TTC12: variants seen among roughly 807,000 people sequenced by gnomAD.
TTC12 encodes tetratricopeptide repeat protein 12.
In TTC12, 70 loss-of-function variants were observed where a neutral mutation model predicts 90.1. The ratio of observed to expected loss-of-function variants is 0.78; its 90% confidence interval spans 0.64 to 0.95. TTC12 has a LOEUF of 0.95. TTC12 is among the 40% of genes least tolerant of loss of function. The pLI, the probability that TTC12 is intolerant of heterozygous loss-of-function variation, is 0.00. For missense variants in TTC12, 819 were observed against 846.1 expected (o/e 0.97, Z 0.40); for synonymous variants, 296 against 311.5 (o/e 0.95, Z 0.53).
intron 2 of TTC12, among the ~76,000 whole-genome samples, chr11:113,320,326 C>A (rs1565568067): frequency 1.3e-5 from 2 of 152,098 alleles, no homozygotes; most frequent in African/African-American, 4.8e-5. Flanking sequence ...AAACTCTGAA[C>A]CCCAGGCTCC....
intron 17 of TTC12, 66 bp from the exon 18 acceptor site, chr11:113,359,874 G>C (rs544480253): frequency 7.6e-7 from 1 of 1,310,514 alleles, no homozygotes; most frequent in Non-Finnish European, 1.1e-6. Flanking sequence ...CTCAGAAGAA[G>C]CTCCGCTGAG....
chr11:113,368,614 A>C, downstream of TTC12: 1 of 981,612 alleles, frequency 1.0e-6, no homozygotes, highest in South Asian at 1.4e-5. Flanking sequence ...GTCTTCATAC[A>C]TGACGTGAGG....
chr11:113,350,301 G>GCATCA, intron 14 of TTC12, 136 bp downstream of exon 14: 1 of 660,530 alleles, frequency 1.5e-6, no homozygotes, highest in Non-Finnish European at 2.6e-6. Flanking sequence ...TGAGTAGGAG[G>GCATCA]GCTGATGCCT....
downstream of TTC12, chr11:113,368,461 C>G (rs1950284790): frequency 6.4e-7 from 1 of 1,550,422 alleles, no homozygotes; most frequent in Non-Finnish European, 8.7e-7. Flanking sequence ...CGGCTTGTTC[C>G]AGGTAATCAG....
At position 113,359,499 on chromosome 11, in the gene TTC12, C is replaced by G. The variant is rs1253395465; in HGVS notation, c.1545+38C>G. On this transcript the variant is annotated intron_variant, in intron 17 of 21. Coordinates refer to ENST00000529221, the MANE Select transcript of TTC12 (RefSeq NM_017868.4). The stretch of plus-strand genomic sequence containing the variant: ...TGTCTCCCTGCCTGGAGCCCTGGGA[C>G]AACCTGTACACATTCTGTGGCATAA... 2.2e-6 allele frequency: 3 copies of G among 1,361,138 alleles called. No individual in the cohort carries two copies. In the Admixed American group the frequency reaches 5.1e-5, roughly 23 times the overall value. The allele number at this position is 1,361,138 out of a possible 1,614,324, so 84.3% of individuals were successfully genotyped here.
rs538315473 is a variant in TTC12 at position 113,355,086 on chromosome 11, C to A, written c.1446+2879C>A. ...AAATCAGCTGTGAATCTAGCTGGTC[C>A]TGGGCTTTTTTTGATTGGTAGGCTC... On this transcript the variant is annotated intron_variant, in intron 16 of 21. Transcript: ENST00000529221. Among the ~76,000 whole-genome samples the A allele has an allele frequency of 1.5e-3, 227 of 152,218 alleles. 1 individual carries two copies. In the Middle Eastern group the frequency reaches 0.024, roughly 16 times the overall value.
At position 113,358,009 on chromosome 11, in the gene TTC12, T is replaced by A. The variant is rs140669728; in HGVS notation, c.1447-1354T>A. ...GCCACAATGGCAGAGGCAACGCAGCTGGGGGAGAGGGTCCCTGCTGATGAC... is the reference window on the plus strand; with the variant it reads ...GCCACAATGGCAGAGGCAACGCAGCAGGGGGAGAGGGTCCCTGCTGATGAC... On this transcript the variant is annotated intron_variant, in intron 16 of 21. Coordinates refer to ENST00000529221, the MANE Select transcript of TTC12 (RefSeq NM_017868.4). 5.9e-5 allele frequency among the ~76,000 whole-genome samples: 9 copies of A among 152,300 alleles called. No homozygotes were observed. The East Asian group carries it at 1.7e-3, about 29-fold the overall frequency.
chr11:113,335,511 C>T (rs1235022857), intron 8 of TTC12, among the ~76,000 whole-genome samples: 1 of 152,114 alleles, frequency 6.6e-6, no homozygotes, highest in African/African-American at 2.4e-5. Flanking sequence ...GTCAGGCAGC[C>T]ATCACCACAA....
At chr11:113,348,815 C>A (rs1239546195) in intron 13 of TTC12, among the ~76,000 whole-genome samples, 1 of 152,270 alleles carries the variant, frequency 6.6e-6, no homozygotes, top group Admixed American at 6.5e-5. Context: ...AAAGTACAGA[C>A]TTTCCAGCAG....
chr11:113,346,653 A>G (rs190543762), intron 13 of TTC12, among the ~76,000 whole-genome samples: 2 of 150,764 alleles, frequency 1.3e-5, no homozygotes, highest in Admixed American at 6.6e-5. Flanking sequence ...CCCCTAGTGG[A>G]AAAAAAATGG....
chr11:113,330,245 A>G (rs530684243), intron 7 of TTC12, among the ~76,000 whole-genome samples: 1 of 152,356 alleles, frequency 6.6e-6, no homozygotes. Context: ...CTATTGTGTT[A>G]TCAGACACTT....
chr11:113,365,325 C>G (rs1032539855), intron 21 of TTC12, among the ~76,000 whole-genome samples: 9 of 152,172 alleles, frequency 5.9e-5, no homozygotes, highest in African/African-American at 1.9e-4. Context: ...GTTGCCTTCT[C>G]TCCATTCCAT....
At chr11:113,323,166 C>T in intron 2 of TTC12, 122 bp from the exon 3 acceptor site, 2 of 474,038 alleles carry the variant, frequency 4.2e-6, no homozygotes, top group South Asian at 1.1e-4. Flanking sequence ...CTCTATTTTG[C>T]TTTCTATTGC....
intron 9 of TTC12, 34 bp from the exon 10 acceptor site, chr11:113,339,252 G>T: frequency 1.9e-6 from 3 of 1,558,756 alleles, no homozygotes; most frequent in Non-Finnish European, 2.6e-6. Context: ...TGATTGTTAG[G>T]GTTTTGTTTT....
At chr11:113,344,231 A>G (rs1285092061) in intron 12 of TTC12, 41 bp from the exon 13 acceptor site, 8 of 1,577,114 alleles carry the variant, frequency 5.1e-6, no homozygotes, top group East Asian at 2.3e-5. Context: ...TTTAATTGCC[A>G]TGATGGCATG....
intron 18 of TTC12, among the ~76,000 whole-genome samples, chr11:113,360,384 T>C (rs1297261700): frequency 6.6e-6 from 1 of 151,966 alleles, no homozygotes; most frequent in Non-Finnish European, 1.5e-5. Flanking sequence ...GTGTCCAACT[T>C]ATTTAGAATC....
At chr11:113,366,428 A>C, downstream of TTC12, 2 of 1,507,300 alleles carry the variant, frequency 1.3e-6, no homozygotes, top group South Asian at 2.6e-5. Context: ...TTTGCATTTC[A>C]GGTTTTCACG....
chr11:113,329,205 C>G (rs1947876146), intron 6 of TTC12, among the ~76,000 whole-genome samples: 1 of 152,226 alleles, frequency 6.6e-6, no homozygotes, highest in African/African-American at 2.4e-5. Context: ...AACTTCCAGG[C>G]TATCTTCCAG....
intron 13 of TTC12, among the ~76,000 whole-genome samples, 174 bp downstream of exon 13, chr11:113,344,614 A>G (rs1246261686): frequency 1.3e-5 from 2 of 152,190 alleles, no homozygotes; most frequent in African/African-American, 4.8e-5. Context: ...TCCTGTCCGA[A>G]CTTGGTACCA....
Sources: allele counts gnomAD v4.1 joint callset (sites outside exome capture counted in the v4.1 genomes callset), GRCh38; gene constraint gnomAD v4.1.1; transcripts MANE v1.5; gene names NCBI Gene and HGNC (gene_info 2026-07-23, HGNC 2026-07-21).